Variants in ZNF521 observed in about 807,000 individuals in gnomAD.
ZNF521 encodes the protein zinc finger protein 521.
In ZNF521, 14 loss-of-function variants were observed where a neutral mutation model predicts 105.5. The ratio of observed to expected loss-of-function variants is 0.13; its 90% confidence interval spans 0.09 to 0.21. The LOEUF (loss-of-function observed/expected upper bound fraction) is 0.21. ZNF521 is among the 10% of genes least tolerant of loss of function. ZNF521 has a pLI of 1.00. For synonymous variants in ZNF521, 635 were observed against 606.0 expected (o/e 1.05, Z -0.70); for missense variants, 1,233 against 1,629.7 (o/e 0.76, Z 4.19).
chr18:25,310,276 C>T (rs1912224629), intron 3 of ZNF521, among the ~76,000 whole-genome samples: 1 of 152,098 alleles, frequency 6.6e-6, no homozygotes, highest in African/African-American at 2.4e-5. Flanking sequence ...CTACTATACA[C>T]ATACTAATAT....
At chr18:25,163,444 AC>A (rs1337586190) in intron 5 of ZNF521, among the ~76,000 whole-genome samples, 1 of 152,164 alleles carries the variant, frequency 6.6e-6, no homozygotes, top group Non-Finnish European at 1.5e-5. Flanking sequence ...CCTTTTTAGC[AC>A]CGTGCTATTG....
chr18:25,229,279 C>A (rs1436319201), intron 3 of ZNF521, among the ~76,000 whole-genome samples: 1 of 152,070 alleles, frequency 6.6e-6, no homozygotes, highest in Non-Finnish European at 1.5e-5. Flanking sequence ...ATGACAACAC[C>A]ATCTCACTAT....
In ZNF521 at chr18:25,062,313, T is replaced by C. The variant is rs534564803; in HGVS notation, c.*399A>G. On this transcript the variant is annotated 3_prime_UTR_variant, in exon 8 of 8. Transcript: ENST00000361524. ...CGCTGATATACCTAAAGAGAAATTC[T>C]AGGCTTAAGTGTAAAGAAAAGGAAG... is the stretch of plus-strand genomic sequence containing the variant. 1.1e-4 allele frequency: 26 copies of C among 240,152 alleles called. No individual in the cohort carries two copies. The highest frequency in any genetic ancestry group is 5.5e-4 in the African/African-American group (25 of 45,056). 14.9% of individuals were successfully genotyped at this position (240,152 alleles called of 1,614,324 possible).
chr18:25,290,608 T>TC (rs1251252164), intron 3 of ZNF521, among the ~76,000 whole-genome samples: 5 of 100,284 alleles, frequency 5.0e-5, no homozygotes, highest in African/African-American at 1.6e-4. Context: ...GGCCATATTC[T>TC]TTTTTTTTTT....
At chr18:25,251,159 A>G (rs1908092591) in intron 3 of ZNF521, among the ~76,000 whole-genome samples, 1 of 152,234 alleles carries the variant, frequency 6.6e-6, no homozygotes, top group Non-Finnish European at 1.5e-5. Context: ...CCGATTTGCT[A>G]TATACTATCA....
At chr18:25,179,495 T>C (rs985819862) in intron 5 of ZNF521, among the ~76,000 whole-genome samples, 3 of 152,122 alleles carry the variant, frequency 2.0e-5, no homozygotes, top group African/African-American at 4.8e-5. Flanking sequence ...CATGTGTGTA[T>C]ATGTGTTTGT....
Position 25,307,114 on chromosome 18 carries a change from A to C in ZNF521, c.220+14894T>G, listed in dbSNP as rs1912026501. Reference sequence around the variant, plus strand: ...GAATGACTTTACCTCCTAGATATTTATTGAATTTGGCCACCCTCTCTACCC... The same window carrying C: ...GAATGACTTTACCTCCTAGATATTTCTTGAATTTGGCCACCCTCTCTACCC... On this transcript the variant is annotated intron_variant, in intron 3 of 7. Transcript: ENST00000361524. 2.0e-5 allele frequency among the ~76,000 whole-genome samples: 3 copies of C among 152,156 alleles called. No homozygotes were observed. The South Asian group carries it at 6.2e-4, about 31-fold the overall frequency.
chr18:25,080,562 G>A (rs960669886), intron 7 of ZNF521, among the ~76,000 whole-genome samples: 5 of 152,208 alleles, frequency 3.3e-5, no homozygotes, highest in African/African-American at 1.2e-4. Flanking sequence ...ACTCGATCAA[G>A]AGCAGCCTAT....
At chr18:25,265,541 T>C (rs1329341886) in intron 3 of ZNF521, among the ~76,000 whole-genome samples, 2 of 152,176 alleles carry the variant, frequency 1.3e-5, no homozygotes, top group Non-Finnish European at 2.9e-5. Context: ...ATATCCATCC[T>C]CCTCATTCAT....
At chr18:25,273,869 A>T (rs1023296122) in intron 3 of ZNF521, among the ~76,000 whole-genome samples, 1 of 152,184 alleles carries the variant, frequency 6.6e-6, no homozygotes, top group Non-Finnish European at 1.5e-5. Context: ...GGATAAGTAC[A>T]GTTTTCTATT....
intron 3 of ZNF521, among the ~76,000 whole-genome samples, chr18:25,238,511 G>C (rs1321456923): frequency 6.6e-6 from 1 of 152,164 alleles, no homozygotes; most frequent in African/African-American, 2.4e-5. Flanking sequence ...GAGCAGGGTG[G>C]TATGGTCGGA....
Position 25,224,366 on chromosome 18 carries a change from G to T in ZNF521, c.3552C>A (p.Ile1184=), listed in dbSNP as rs769986187. Residue 1184 remains isoleucine (I), a synonymous_variant, in exon 4 of 8, where the codon ATC becomes ATA. Coordinates refer to ENST00000361524, the MANE Select transcript of ZNF521 (RefSeq NM_015461.3). ...TTACCTCATCCGACTGGGAGGGACT[G>T]ATTCTGGGCATTGGTGATACTTGGG... ...KTPQVSPMPR[I]SPSQSDEKKT... is the part of the protein sequence containing the mutation. 52 of 1,612,950 alleles carry T rather than the reference G, an allele frequency of 3.2e-5. No individual in the cohort carries two copies. In the South Asian group the frequency reaches 5.5e-4, roughly 17 times the overall value.
intron 3 of ZNF521, among the ~76,000 whole-genome samples, chr18:25,299,030 A>G (rs2145060326): frequency 6.6e-6 from 1 of 152,254 alleles, no homozygotes; most frequent in African/African-American, 2.4e-5. Flanking sequence ...AGATCCTACC[A>G]CTTCCCACGT....
At chr18:25,128,876 C>A (rs2034586095) in intron 5 of ZNF521, among the ~76,000 whole-genome samples, 1 of 152,012 alleles carries the variant, frequency 6.6e-6, no homozygotes, top group Non-Finnish European at 1.5e-5. Flanking sequence ...GTCAATTCTT[C>A]CCAACTTGAC....
intron 3 of ZNF521, among the ~76,000 whole-genome samples, chr18:25,313,404 C>T (rs563279720): frequency 1.3e-5 from 2 of 152,136 alleles, no homozygotes; most frequent in African/African-American, 4.8e-5. Flanking sequence ...AAATCTGGCC[C>T]TTTCACACCA....
intron 3 of ZNF521, among the ~76,000 whole-genome samples, chr18:25,264,948 G>A (rs985776649): frequency 6.6e-6 from 1 of 152,150 alleles, no homozygotes; most frequent in African/African-American, 2.4e-5. Flanking sequence ...GAAAAAGTCT[G>A]CAGGAAAATA....
chr18:25,179,193 C>A (rs1255743405), intron 5 of ZNF521, among the ~76,000 whole-genome samples: 1 of 117,216 alleles, frequency 8.5e-6, no homozygotes, highest in African/African-American at 3.4e-5. Context: ...TCCCTCTATC[C>A]CCCAGGCTGG....
chr18:25,106,537 A>G (rs1306472107), intron 5 of ZNF521, among the ~76,000 whole-genome samples: 1 of 152,066 alleles, frequency 6.6e-6, no homozygotes, highest in African/African-American at 2.4e-5. Flanking sequence ...TACAAACATT[A>G]CCAAAAGGTC....
intron 3 of ZNF521, among the ~76,000 whole-genome samples, chr18:25,311,335 G>A (rs1473153329): frequency 1.4e-5 from 2 of 148,032 alleles, no homozygotes; most frequent in Admixed American, 1.3e-4. Context: ...AAGGTCACGA[G>A]CATCGTAAGT....
Sources: gnomAD v4.1 joint callset for allele counts (sites outside exome capture counted in the v4.1 genomes callset) on GRCh38, gnomAD v4.1.1 for gene constraint, MANE v1.5 for transcripts, NCBI Gene and HGNC (gene_info 2026-07-23, HGNC 2026-07-21) for gene names.